The following NXN variants were observed in gnomAD, a reference collection of about 807,000 sequenced individuals.
NXN encodes nucleoredoxin 1.
NXN carries 16 observed loss-of-function variants against 48.6 expected under a neutral mutation model. That is an observed-to-expected ratio of 0.33 (90% CI 0.22 to 0.50). The LOEUF (loss-of-function observed/expected upper bound fraction) is 0.50. Among genes scored for constraint, NXN ranks in the 20% least tolerant of loss-of-function variants. The pLI is 0.98. For synonymous variants in NXN, 281 were observed against 269.6 expected, an observed-to-expected ratio of 1.04 and a Z score of -0.41; for missense variants, 492 against 605.5, an observed-to-expected ratio of 0.81 and a Z score of 1.97.
chr17:955,507 ACAGACACTGGTTG>A (rs2069156719), intron 1 of NXN, among the ~76,000 whole-genome samples: 1 of 151,534 alleles, frequency 6.6e-6, no homozygotes, highest in African/African-American at 2.4e-5. Context: ...GCAAAGTCTG[ACAGACACTGGTTG>A]GACTTCTTTT....
intron 1 of NXN, among the ~76,000 whole-genome samples, chr17:941,309 A>T (rs2068972186): frequency 6.7e-6 from 1 of 148,518 alleles, no homozygotes; most frequent in African/African-American, 2.5e-5. Flanking sequence ...TACAGCGAAC[A>T]AGATTCCAGG....
intron 1 of NXN, among the ~76,000 whole-genome samples, chr17:939,109 T>C (rs1163098249): frequency 6.6e-6 from 1 of 151,888 alleles, no homozygotes; most frequent in African/African-American, 2.4e-5. Flanking sequence ...GCTAAAAATA[T>C]AACAGAATCT....
chr17:914,473 A>T (rs1243966453), intron 1 of NXN, among the ~76,000 whole-genome samples: 1 of 152,154 alleles, frequency 6.6e-6, no homozygotes, highest in Non-Finnish European at 1.5e-5. Flanking sequence ...CCCGGCCAGA[A>T]GGAAGATTCT....
intron 1 of NXN, among the ~76,000 whole-genome samples, chr17:965,599 AACTG>A (rs1361680974): frequency 6.6e-6 from 1 of 152,152 alleles, no homozygotes; most frequent in Non-Finnish European, 1.5e-5. Context: ...ACGGCTGAGC[AACTG>A]ACTAACAGAC....
chr17:816,780 C>T (rs895607098), intron 5 of NXN, among the ~76,000 whole-genome samples: 2 of 152,120 alleles, frequency 1.3e-5, no homozygotes, highest in Admixed American at 6.6e-5. Context: ...CAGCAATGAA[C>T]GAATAAATGA....
chr17:909,364 T>C (rs1018684967), intron 1 of NXN, among the ~76,000 whole-genome samples: 3 of 152,090 alleles, frequency 2.0e-5, no homozygotes, highest in Admixed American at 6.6e-5. Flanking sequence ...TGGTACCAAA[T>C]AGAGGAATAG....
chr17:948,776 G>A (rs569402625), intron 1 of NXN, among the ~76,000 whole-genome samples: 8 of 151,366 alleles, frequency 5.3e-5, no homozygotes, highest in Admixed American at 4.6e-4. Context: ...TCCACATCCC[G>A]GGACACGAGG....
At chr17:863,754 C>T in intron 1 of NXN, 4 of 596,958 alleles carry the variant, frequency 6.7e-6, no homozygotes, top group East Asian at 2.9e-5. Flanking sequence ...TGAGCCTCTG[C>T]ACCTGGCTGA....
At chr17:842,371 T>A (rs1031153748) in intron 1 of NXN, among the ~76,000 whole-genome samples, 8 of 152,182 alleles carry the variant, frequency 5.3e-5, no homozygotes, top group African/African-American at 1.9e-4. Flanking sequence ...AGGTGAAGCA[T>A]GAAAGGCTAA....
At chr17:829,416 A>G (rs150418547) in intron 1 of NXN, among the ~76,000 whole-genome samples, 2 of 151,252 alleles carry the variant, frequency 1.3e-5, no homozygotes, top group East Asian at 3.9e-4. Flanking sequence ...CGGCCTCCCA[A>G]AGTGCTGGGA....
chr17:823,332 A>G (rs55676436), intron 3 of NXN, among the ~76,000 whole-genome samples: 33,272 of 150,326 alleles, frequency 0.22, 3,766 homozygotes, highest in African/African-American at 0.26. Context: ...CCAGGAGGCA[A>G]AGGTTGCAGT....
intron 5 of NXN, among the ~76,000 whole-genome samples, chr17:811,521 A>G (rs944495535): frequency 2.7e-5 from 4 of 148,232 alleles, no homozygotes; most frequent in African/African-American, 9.9e-5. Flanking sequence ...GGGGGGGGGC[A>G]GCACTCTGGA....
chr17:823,996 C>T, intron 2 of NXN, among the ~76,000 whole-genome samples: 1 of 151,726 alleles, frequency 6.6e-6, no homozygotes, highest in East Asian at 1.9e-4. Context: ...GGCAACGGTT[C>T]CCAAACCTGG....
At chr17:911,002 T>A (rs897849594) in intron 1 of NXN, 1 of 152,302 alleles carries the variant, frequency 6.6e-6, no homozygotes, top group Non-Finnish European at 1.5e-5. Context: ...AGCTTTTTTT[T>A]AAAGTATTTT....
At chr17:803,314 G>T (rs2144560957) in intron 7 of NXN, among the ~76,000 whole-genome samples, 1 of 152,316 alleles carries the variant, frequency 6.6e-6, no homozygotes, top group Non-Finnish European at 1.5e-5. Context: ...GCCCACTGCA[G>T]CCAGCGCGGA....
rs1285282717 is a variant in NXN at position 956,445 on chromosome 17, C to G, written c.360+22874G>C. Among the ~76,000 whole-genome samples the G allele has an allele frequency of 6.6e-6, 1 of 152,096 alleles. No homozygotes were observed. The highest frequency in any genetic ancestry group is 1.5e-5 in the Non-Finnish European group (1 of 68,032). ...TTATTTATTTTGAGACAGAGATTCT[C>G]TCTTGTCACCCAGGCTGGAGTGCAA... On this transcript the variant is annotated intron_variant, in intron 1 of 7. Transcript: ENST00000336868. The surrounding 1 kb of genome is among the most constrained non-coding windows in gnomAD (Gnocchi z 4.1).
At chr17:811,958 C>G (rs981661149) in intron 5 of NXN, among the ~76,000 whole-genome samples, 10 of 137,728 alleles carry the variant, frequency 7.3e-5, no homozygotes, top group East Asian at 2.1e-4. Flanking sequence ...GACGGAGTCT[C>G]GCTCTGTCGC....
At chr17:827,722 C>G (rs546924824) in intron 1 of NXN, among the ~76,000 whole-genome samples, 1 of 152,246 alleles carries the variant, frequency 6.6e-6, no homozygotes, top group African/African-American at 2.4e-5. Context: ...TTAGGCCGTT[C>G]GGCTCTGAGC....
chr17:903,829 C>T (rs2068558550), intron 1 of NXN, among the ~76,000 whole-genome samples: 1 of 152,190 alleles, frequency 6.6e-6, no homozygotes, highest in African/African-American at 2.4e-5. Context: ...TGACCGCAGC[C>T]AAAGGGCCTG....
Sources: gnomAD v4.1 joint callset for allele counts (sites outside exome capture counted in the v4.1 genomes callset) on GRCh38, gnomAD v4.1.1 for gene constraint, Gnocchi (gnomAD v3.1) non-coding constraint, MANE v1.5 for transcripts, NCBI Gene and HGNC (gene_info 2026-07-23, HGNC 2026-07-21) for gene names.